The following HEATR5B variants were observed in gnomAD, a reference collection of about 807,000 sequenced individuals.
The protein encoded by HEATR5B is HEAT repeat containing 5B.
HEATR5B carries 156 observed loss-of-function variants against 224.1 expected under a neutral mutation model. That is an observed-to-expected ratio of 0.70 (90% CI 0.61 to 0.80). HEATR5B has a LOEUF of 0.80. Among genes scored for constraint, HEATR5B ranks in the 30% least tolerant of loss-of-function variants. HEATR5B has a pLI of 0.00. For missense variants in HEATR5B, 2,323 were observed against 2,535.5 expected, an observed-to-expected ratio of 0.92 and a Z score of 1.80; for synonymous variants, 1,027 against 893.0, an observed-to-expected ratio of 1.15 and a Z score of -2.68.
chr2:37,060,595 G>C lies in HEATR5B; in HGVS notation c.1835C>G (p.Ala612Gly), dbSNP rs982915002. The C allele has an allele frequency of 2.5e-6, 4 of 1,613,674 alleles. No homozygotes were observed. The highest frequency in any genetic ancestry group is 1.7e-6 in the Non-Finnish European group (2 of 1,179,704). The change falls in exon 12 of 36, where the codon GCT becomes GGT. Residue 612 changes from alanine to glycine, a missense_variant. This residue lies in a region of HEATR5B where 502 missense variants were observed against 517.8 expected (regional missense o/e 0.97). Transcript: ENST00000233099. ...FTWQVTLEGR[A>G]GALCAMRSFV... The stretch of plus-strand genomic sequence containing the variant: ...TCAGTTCTTACCACATAGAGCTCCA[G>C]CACGACCTTCCAAAGTTACCTGCCA...
At chr2:37,078,739 T>C (rs747147484) in intron 3 of HEATR5B, among the ~76,000 whole-genome samples, 2 of 152,190 alleles carry the variant, frequency 1.3e-5, no homozygotes, top group African/African-American at 2.4e-5. Flanking sequence ...CATGGCCCCT[T>C]GAATGTTGAC....
intron 33 of HEATR5B, among the ~76,000 whole-genome samples, chr2:36,998,870 T>C (rs959014894): frequency 6.6e-6 from 1 of 152,006 alleles, no homozygotes; most frequent in African/African-American, 2.4e-5. Context: ...AACTGACACA[T>C]ACTCATATAG....
chr2:36,994,736 T>C (rs574043768), intron 33 of HEATR5B, among the ~76,000 whole-genome samples: 62 of 152,244 alleles, frequency 4.1e-4, no homozygotes, highest in African/African-American at 1.3e-3. Flanking sequence ...TTAAATTAAT[T>C]ATTTTAAAAC....
chr2:37,052,109 A>C (rs1376906205), intron 17 of HEATR5B, among the ~76,000 whole-genome samples: 1 of 152,204 alleles, frequency 6.6e-6, no homozygotes, highest in African/African-American at 2.4e-5. Context: ...AATATGACTT[A>C]AGCATGACCT....
At chr2:37,063,419 A>G (rs1045264642) in intron 10 of HEATR5B, among the ~76,000 whole-genome samples, 1 of 152,218 alleles carries the variant, frequency 6.6e-6, no homozygotes, top group Admixed American at 6.5e-5. Flanking sequence ...TCAAATTATA[A>G]GATACCAGTT....
At chr2:37,020,909 G>A (rs890590408) in intron 24 of HEATR5B, 73 bp from the exon 25 acceptor site, 3 of 845,396 alleles carry the variant, frequency 3.5e-6, no homozygotes, top group African/African-American at 1.7e-5. Flanking sequence ...AATATGAAAT[G>A]AAATAAATTT....
intron 22 of HEATR5B, among the ~76,000 whole-genome samples, chr2:37,031,498 T>C (rs961437645): frequency 6.0e-5 from 9 of 150,678 alleles, no homozygotes; most frequent in African/African-American, 1.7e-4. Flanking sequence ...CTTGAACTCC[T>C]GGGCTCAAGT....
chr2:37,046,996 G>A (rs1013271998), intron 18 of HEATR5B, among the ~76,000 whole-genome samples: 5 of 129,242 alleles, frequency 3.9e-5, no homozygotes, highest in Non-Finnish European at 7.7e-5. Context: ...GTTGCAGTGA[G>A]CCAAGATTGC....
At chr2:37,050,356 T>C (rs562260221) in intron 17 of HEATR5B, among the ~76,000 whole-genome samples, 1 of 152,330 alleles carries the variant, frequency 6.6e-6, no homozygotes, top group South Asian at 2.1e-4. Flanking sequence ...CAGAACGTGA[T>C]CTATAACACA....
rs574479527 is a variant in HEATR5B, at chr2:37,023,693, G to A, written c.3854-2857C>T. Among the ~76,000 whole-genome samples, 14 of 152,134 alleles carry A rather than the reference G, an allele frequency of 9.2e-5. No individual in the cohort carries two copies. In the South Asian group the frequency reaches 1.2e-3, roughly 14 times the overall value. On this transcript the variant is annotated intron_variant, in intron 24 of 35. Transcript: ENST00000233099. ...CTGAGGCAGGAAGATCGCTAAGATC[G>A]CTTGAACCCAGGAGGCTGAGGCTGC...
chr2:37,067,249 T>C (rs959086964), intron 8 of HEATR5B, among the ~76,000 whole-genome samples: 3 of 152,128 alleles, frequency 2.0e-5, no homozygotes, highest in African/African-American at 7.2e-5. Flanking sequence ...AACTTTAAGC[T>C]CCCTGAGGAT....
intron 35 of HEATR5B, among the ~76,000 whole-genome samples, chr2:36,985,099 T>C (rs1665857195): frequency 6.6e-6 from 1 of 152,130 alleles, no homozygotes; most frequent in African/African-American, 2.4e-5. Context: ...CATCTGTAAA[T>C]GGGATGAAAA....
chr2:37,082,701 A>G (rs890889971), intron 2 of HEATR5B, among the ~76,000 whole-genome samples: 4 of 152,240 alleles, frequency 2.6e-5, no homozygotes, highest in African/African-American at 9.6e-5. Flanking sequence ...AGCTAATCGA[A>G]TATCTGTAGA....
intron 32 of HEATR5B, among the ~76,000 whole-genome samples, chr2:37,001,374 G>A (rs985544129): frequency 1.3e-5 from 2 of 152,078 alleles, no homozygotes; most frequent in African/African-American, 2.4e-5. Context: ...ACTCTGACCT[G>A]CAGCCATTGT....
intron 21 of HEATR5B, 77 bp downstream of exon 21, chr2:37,037,778 T>C (rs1348716800): frequency 1.9e-6 from 2 of 1,029,584 alleles, no homozygotes; most frequent in African/African-American, 3.3e-5. Context: ...ATAGCTAGTA[T>C]GTATCCATAA....
chr2:36,989,354 G>T (rs1008521866), intron 34 of HEATR5B, among the ~76,000 whole-genome samples: 4 of 152,158 alleles, frequency 2.6e-5, no homozygotes, highest in Admixed American at 6.5e-5. Context: ...AAAGTGCTGG[G>T]ATTACAGGTG....
chr2:37,064,779 T>TCCTG lies in HEATR5B; in HGVS notation c.1544_1545insCAGG (p.His516ArgfsTer18). The TCCTG allele has an allele frequency of 6.2e-7, 1 of 1,614,080 alleles. No homozygotes were observed. Among genetic ancestry groups the TCCTG allele is most frequent in the Non-Finnish European group, 8.5e-7 (1 of 1,179,986 alleles). ...GAGGAATGCCCAAAGGACACTGATG[T>TCCTG]ACTCCACCTAACAAAGCAGCCATTG... On this transcript the variant is annotated frameshift_variant, in exon 10 of 36. Transcript: ENST00000233099. LOFTEE classifies it high-confidence loss of function.
intron 28 of HEATR5B, among the ~76,000 whole-genome samples, chr2:37,007,669 G>A (rs1667520012): frequency 6.6e-6 from 1 of 152,096 alleles, no homozygotes; most frequent in Non-Finnish European, 1.5e-5. Flanking sequence ...GCTCATTTAT[G>A]AACCACTAAC....
Position 37,075,558 on chromosome 2 carries a change from T to C in HEATR5B, c.524A>G (p.His175Arg), listed in dbSNP as rs1558381382. The change falls in exon 5 of 36, where the codon CAT becomes CGT. Residue 175 changes from histidine to arginine, a missense_variant. Physicochemically the swap from His to Arg is conservative, Grantham distance 29. Transcript: ENST00000233099. ...SGLGGAAASS[H>R]RDIYKNARSL... is the part of the protein sequence containing the mutation. ...CCTGGCATTCTTGTAAATATCACGA[T>C]GGGAGGAAGCTGCTGCACCACCCAG... 2 of 1,613,886 alleles carry C rather than the reference T, an allele frequency of 1.2e-6. No homozygotes were observed. The highest frequency in any genetic ancestry group is 1.6e-4 in the Middle Eastern group (1 of 6,082).
Sources: allele counts gnomAD v4.1 joint callset (sites outside exome capture counted in the v4.1 genomes callset), GRCh38; gene constraint gnomAD v4.1.1; regional missense constraint gnomAD v4.1.1; transcripts MANE v1.5; gene names NCBI Gene and HGNC (gene_info 2026-07-23, HGNC 2026-07-21).